The following AEBP2 variants were observed in gnomAD, a reference collection of about 807,000 sequenced individuals.
AEBP2 encodes the protein zinc finger protein AEBP2.
Under a neutral mutation model 50.8 loss-of-function variants are expected in AEBP2, and 10 were observed. The ratio of observed to expected loss-of-function variants is 0.20; its 90% CI spans 0.12 to 0.33. AEBP2 has a LOEUF of 0.33. Among genes scored for constraint, AEBP2 ranks in the 10% least tolerant of loss-of-function variants. AEBP2 has a pLI of 1.00. For synonymous variants in AEBP2, 296 were observed against 261.3 expected (o/e 1.13, Z -1.28); for missense variants, 570 against 688.0 (o/e 0.83, Z 1.92).
At chr12:19,492,523 G>T (rs1438915593) in intron 3 of AEBP2, among the ~76,000 whole-genome samples, 2 of 151,968 alleles carry the variant, frequency 1.3e-5, no homozygotes, top group African/African-American at 4.8e-5. Flanking sequence ...TTCTAAGAGA[G>T]AGGCTAGATC....
intron 4 of AEBP2, 58 bp downstream of exon 4, chr12:19,494,044 CT>C (rs2064305938): frequency 1.3e-6 from 2 of 1,486,550 alleles, no homozygotes; most frequent in Non-Finnish European, 1.8e-6. Flanking sequence ...ATATCTTAGA[CT>C]TTTATGCAAA....
chr12:19,518,858 C>T lies in AEBP2; in HGVS notation c.*741C>T, dbSNP rs1949358494. 2 of 512,736 alleles carry T rather than the reference C, an allele frequency of 3.9e-6. No individual in the cohort carries two copies. The highest frequency in any genetic ancestry group is 8.3e-5 in the South Asian group (1 of 12,044). 31.8% of individuals were successfully genotyped at this position (512,736 alleles called of 1,614,324 possible). ...TGGAGTACAGTATGTTAATATTTACCTATATAACTAATCTGTTAACGGTTT... is the reference window on the plus strand; with the variant it reads ...TGGAGTACAGTATGTTAATATTTACTTATATAACTAATCTGTTAACGGTTT... On this transcript the variant is annotated 3_prime_UTR_variant, in exon 8 of 8. Coordinates refer to ENST00000266508, the MANE Select transcript of AEBP2 (RefSeq NM_153207.5).
At chr12:19,450,606 G>C (rs2153367916) in intron 1 of AEBP2, among the ~76,000 whole-genome samples, 1 of 141,516 alleles carries the variant, frequency 7.1e-6, no homozygotes, top group South Asian at 2.4e-4. Context: ...GAGGAGGGAG[G>C]ATAGCTTCAA....
At chr12:19,513,318 A>C (rs1356549369) in intron 6 of AEBP2, among the ~76,000 whole-genome samples, 1 of 78,386 alleles carries the variant, frequency 1.3e-5, no homozygotes, top group South Asian at 3.9e-4. Context: ...CATATATTTC[A>C]TGTATTTTTT....
chr12:19,456,257 T>G, intron 1 of AEBP2: 1 of 1,528,150 alleles, frequency 6.5e-7, no homozygotes, highest in Non-Finnish European at 9.0e-7. Flanking sequence ...ATTTAGCCTT[T>G]TGAGCTTTCT....
At chr12:19,456,218 C>G (rs987414777) in intron 1 of AEBP2, 3 of 1,431,854 alleles carry the variant, frequency 2.1e-6, no homozygotes, top group African/African-American at 2.8e-5. Context: ...TGATTAAGAC[C>G]GGGGTGGCAG....
upstream of AEBP2, among the ~76,000 whole-genome samples, chr12:19,438,887 A>G (rs576059624): frequency 6.6e-6 from 1 of 152,342 alleles, no homozygotes; most frequent in South Asian, 2.1e-4. Flanking sequence ...TATTTAAACA[A>G]TGCGACAGAT....
intron 2 of AEBP2, among the ~76,000 whole-genome samples, chr12:19,468,882 A>G (rs1331159327): frequency 6.6e-6 from 1 of 152,224 alleles, no homozygotes; most frequent in Non-Finnish European, 1.5e-5. Flanking sequence ...AGACATCTAC[A>G]TCTTACATGT....
Position 19,514,817 on chromosome 12 carries a change from T to C in AEBP2, c.1481+33T>C, listed in dbSNP as rs151123728. The stretch of plus-strand genomic sequence containing the variant: ...AATTCTTGCCTTTATGTTTTACTTT[T>C]TGATTTGTAATTTTCTCTCCCCAAA... On this transcript the variant is annotated intron_variant, in intron 7 of 7. Transcript: ENST00000266508. The C allele has an allele frequency of 6.8e-5, 103 of 1,523,906 alleles. No individual in the cohort carries two copies. The East Asian group carries it at 2.1e-3, about 31-fold the overall frequency. The allele number at this position is 1,523,906 out of a possible 1,614,324, so 94.4% of individuals were successfully genotyped here. A position where few individuals can be genotyped will look rare whatever the true frequency, so the allele number is the denominator to read the frequency against.
intron 1 of AEBP2, among the ~76,000 whole-genome samples, chr12:19,410,923 G>T (rs1369510725): frequency 6.6e-6 from 1 of 152,148 alleles, no homozygotes; most frequent in Non-Finnish European, 1.5e-5. Context: ...TGCATTGCAG[G>T]TGCTAAAATG....
intron 2 of AEBP2, among the ~76,000 whole-genome samples, chr12:19,472,989 ATAT>A (rs1429945911): frequency 1.3e-5 from 2 of 152,128 alleles, no homozygotes; most frequent in Non-Finnish European, 2.9e-5. Context: ...TATATTGCTA[ATAT>A]TATATATATT....
intron 3 of AEBP2, among the ~76,000 whole-genome samples, chr12:19,483,709 C>T (rs1045944974): frequency 6.6e-6 from 1 of 152,130 alleles, no homozygotes; most frequent in Non-Finnish European, 1.5e-5. Flanking sequence ...TTTTCAGCTT[C>T]ATCGCTTTCC....
At chr12:19,456,924 T>C in intron 1 of AEBP2, 1 of 1,448,334 alleles carries the variant, frequency 6.9e-7, no homozygotes, top group Non-Finnish European at 9.7e-7. Context: ...GATGAGTTGG[T>C]GGTAGGATGT....
Position 19,439,863 on chromosome 12 carries a change from C to T in AEBP2, c.164C>T (p.Ala55Val), listed in dbSNP as rs1050526286. 2.4e-5 allele frequency: 36 copies of T among 1,480,942 alleles called. 1 individual carries two copies. Among genetic ancestry groups the T allele is most frequent in the Non-Finnish European group, 2.8e-5 (32 of 1,125,414 alleles). 91.7% of individuals were successfully genotyped at this position (1,480,942 alleles called of 1,614,324 possible). ...EEEEAEAEAV[A>V]ALLLNGGSGG... ...GAGGAGGCGGAGGCCGAGGCGGTGG[C>T]GGCGCTGCTGCTGAACGGCGGCAGC... is the stretch of plus-strand genomic sequence containing the variant. Residue 55 changes from alanine to valine, a missense_variant, in exon 1 of 8, where the codon GCG (alanine) becomes GTG (valine). This residue lies in a region of AEBP2 where 386 missense variants were observed against 336.8 expected (regional missense o/e 1.15). Coordinates refer to ENST00000266508, the MANE Select transcript of AEBP2 (RefSeq NM_153207.5).
intron 2 of AEBP2, among the ~76,000 whole-genome samples, chr12:19,472,288 A>G (rs553599760): frequency 6.6e-6 from 1 of 152,298 alleles, no homozygotes; most frequent in South Asian, 2.1e-4. Context: ...ATTGTTCTTA[A>G]CCTTAGAAAA....
At chr12:19,426,533 A>AC (rs1285816792) in intron 1 of AEBP2, among the ~76,000 whole-genome samples, 2 of 152,198 alleles carry the variant, frequency 1.3e-5, no homozygotes, top group African/African-American at 4.8e-5. Context: ...GCTGCCATGT[A>AC]CCGAAGAAGA....
chr12:19,500,582 T>G (rs1949053670), intron 5 of AEBP2, among the ~76,000 whole-genome samples: 1 of 152,188 alleles, frequency 6.6e-6, no homozygotes, highest in Non-Finnish European at 1.5e-5. Flanking sequence ...TCCTTTTACC[T>G]CTAAAAAGTT....
rs562922900 is a variant in AEBP2, at chr12:19,457,151, A to G, written c.672-5359A>G. 1.0e-4 allele frequency: 165 copies of G among 1,597,866 alleles called. 3 individuals are homozygous for G. The South Asian group carries it at 1.7e-3, about 16-fold the overall frequency. ...ATTTCCTCATATCTCTTCTGGCTGTAGGGTGGCTCAGTGGAATCCATTTTG... is the reference window on the plus strand; with the variant it reads ...ATTTCCTCATATCTCTTCTGGCTGTGGGGTGGCTCAGTGGAATCCATTTTG... On this transcript the variant is annotated intron_variant, in intron 1 of 7. Coordinates refer to ENST00000266508, the MANE Select transcript of AEBP2 (RefSeq NM_153207.5).
At chr12:19,513,390 G>A (rs974456135) in intron 6 of AEBP2, among the ~76,000 whole-genome samples, 1 of 151,838 alleles carries the variant, frequency 6.6e-6, no homozygotes, top group Admixed American at 6.6e-5. Flanking sequence ...TAGACATATT[G>A]GACAAAATTA....
Sources: gnomAD v4.1 joint callset for allele counts (sites outside exome capture counted in the v4.1 genomes callset) on GRCh38, gnomAD v4.1.1 for gene constraint, gnomAD v4.1.1 regional missense constraint, MANE v1.5 for transcripts, NCBI Gene and HGNC (gene_info 2026-07-23, HGNC 2026-07-21) for gene names.